The following HPGD variants were observed in gnomAD, a reference collection of about 807,000 sequenced individuals.
HPGD encodes the protein 15-hydroxyprostaglandin dehydrogenase [NAD(+)].
A neutral mutation model predicts 30.0 loss-of-function variants in HPGD; 29 were observed. The observed-to-expected ratio is 0.97, with a 90% CI of 0.72 to 1.32. The LOEUF is 1.32. Among genes scored for constraint, HPGD ranks in the 40% most tolerant of loss-of-function variants. The pLI is 0.00. For missense variants in HPGD, 340 were observed against 322.1 expected (o/e 1.06, Z -0.43); for synonymous variants, 99 against 112.4 (o/e 0.88, Z 0.75).
At chr4:174,508,252 G>T in intron 4 of HPGD, 1 of 636,314 alleles carries the variant, frequency 1.6e-6, no homozygotes, top group Admixed American at 2.3e-5. Flanking sequence ...ATGTAAGTTT[G>T]GCTTTATTTA....
chr4:174,496,097 A>G lies in HPGD; in HGVS notation c.422-473T>C, dbSNP rs1484850991. Among the ~76,000 whole-genome samples, 4 of 152,240 alleles carry G rather than the reference A, an allele frequency of 2.6e-5. No individual in the cohort carries two copies. The highest frequency in any genetic ancestry group is 5.9e-5 in the Non-Finnish European group (4 of 68,036). On this transcript the variant is annotated intron_variant, in intron 4 of 6. Transcript: ENST00000296522. The surrounding 1 kb of genome is among the most constrained non-coding windows in gnomAD (Gnocchi z 4.6). ...TTATTAGTCTTCACTACAAATTAGT[A>G]TGCAATTTCCTGTCACCAATCTGTC...
intron 3 of HPGD, 148 bp from the exon 4 acceptor site, chr4:174,508,940 A>G (rs961077625): frequency 6.0e-6 from 4 of 662,552 alleles, no homozygotes; most frequent in Admixed American, 4.5e-5. Flanking sequence ...CTTTGTTTTT[A>G]AAGTTAGTCA....
At chr4:174,510,855 G>A (rs930406779) in intron 3 of HPGD, among the ~76,000 whole-genome samples, 1 of 152,156 alleles carries the variant, frequency 6.6e-6, no homozygotes, top group Non-Finnish European at 1.5e-5. Context: ...TGGCCAGGCT[G>A]GTCTCGAACT....
rs1734629622 is a variant in HPGD, at chr4:174,496,995, C to T, written c.422-1371G>A. Among the ~76,000 whole-genome samples, 5 of 152,254 alleles carry T rather than the reference C, an allele frequency of 3.3e-5. No individual in the cohort carries two copies. In the South Asian group the frequency reaches 1.0e-3, roughly 32 times the overall value. On this transcript the variant is annotated intron_variant, in intron 4 of 6. Transcript: ENST00000296522. The surrounding 1 kb of genome is among the most constrained non-coding windows in gnomAD (Gnocchi z 4.6). ...AATTAAGTTTGTCAGTGTCAGTCAA[C>T]AAGAATTTATGATGTTTCCACAGGC... is the stretch of plus-strand genomic sequence containing the variant.
intron 3 of HPGD, among the ~76,000 whole-genome samples, chr4:174,511,899 G>A (rs1735523565): frequency 6.6e-6 from 1 of 152,174 alleles, no homozygotes; most frequent in African/African-American, 2.4e-5. Context: ...GCCCGCCTCG[G>A]TCTCCCAAAG....
At position 174,492,816 on chromosome 4, in the gene HPGD, A is replaced by G. The variant is rs1212673475; in HGVS notation, c.662+335T>C. ...CTTATAAAAGTGGTTGAAGTCATGG[A>G]AACTTGCAATATTTCACAGACTATA... On this transcript the variant is annotated intron_variant, in intron 6 of 6. Transcript: ENST00000296522. This position sits in a 1 kb window ranked among gnomAD's most constrained non-coding sequence, Gnocchi z 4.9. Among the ~76,000 whole-genome samples, 2 of 152,100 alleles carry G rather than the reference A, an allele frequency of 1.3e-5. No homozygotes were observed. Among genetic ancestry groups the G allele is most frequent in the Admixed American group, 6.5e-5 (1 of 15,270 alleles).
intron 4 of HPGD, among the ~76,000 whole-genome samples, chr4:174,503,951 T>C (rs1390650592): frequency 6.6e-6 from 1 of 152,168 alleles, no homozygotes; most frequent in Non-Finnish European, 1.5e-5. Flanking sequence ...CTCTAACTCC[T>C]GGCCTCAAGT....
In HPGD at chr4:174,508,813, A is replaced by G. The variant is rs373275201; in HGVS notation, c.325-21T>C. On this transcript the variant is annotated intron_variant, in intron 3 of 6. Transcript: ENST00000296522. The stretch of plus-strand genomic sequence containing the variant: ...GAAACCTAATCCAGAGGCATAAGTG[A>G]GAAAAGGAATACAGTCATTATCCTT... The G allele has an allele frequency of 3.9e-6, 5 of 1,269,308 alleles. No homozygotes were observed. The African/African-American group carries it at 7.3e-5, about 19-fold the overall frequency. The allele number at this position is 1,269,308 out of a possible 1,614,324, so 78.6% of individuals were successfully genotyped here.
In HPGD at chr4:174,491,566, TGTGA is replaced by T; in HGVS notation, c.*386_*389del. 1 of 187,074 alleles carries T rather than the reference TGTGA, an allele frequency of 5.3e-6. No individual in the cohort carries two copies. The highest frequency in any genetic ancestry group is 5.6e-5 in the Admixed American group (1 of 17,970). The allele number at this position is 187,074 out of a possible 1,614,324, so 11.6% of individuals were successfully genotyped here. ...TCCTCTTTTAAAGTATGAACTTGTA[TGTGA>T]GTGTTTTACATCTGGTTTGATTTAA... On this transcript the variant is annotated 3_prime_UTR_variant, in exon 7 of 7. Coordinates refer to ENST00000296522, the MANE Select transcript of HPGD (RefSeq NM_000860.6).
At chr4:174,503,548 G>C (rs184146709) in intron 4 of HPGD, among the ~76,000 whole-genome samples, 1 of 152,146 alleles carries the variant, frequency 6.6e-6, no homozygotes, top group African/African-American at 2.4e-5. Context: ...TCCTTATCAC[G>C]AGAGCAGTAG....
chr4:174,492,227 T>G lies in HPGD; in HGVS notation c.663-133A>C, dbSNP rs1734376419. On this transcript the variant is annotated intron_variant, in intron 6 of 6. Coordinates refer to ENST00000296522, the MANE Select transcript of HPGD (RefSeq NM_000860.6). The surrounding 1 kb of genome is among the most constrained non-coding windows in gnomAD (Gnocchi z 4.9). Reference sequence around the variant, plus strand: ...ATGTGTGTCATTAAACTATTGCTACTTCCAATTTTTATTTAATTCCATATT... The same window carrying G: ...ATGTGTGTCATTAAACTATTGCTACGTCCAATTTTTATTTAATTCCATATT... The G allele has an allele frequency of 1.3e-6, 1 of 754,222 alleles. No homozygotes were observed. The highest frequency in any genetic ancestry group is 2.2e-6 in the Non-Finnish European group (1 of 445,606). The allele number at this position is 754,222 out of a possible 1,614,324, so 46.7% of individuals were successfully genotyped here. A position where few individuals can be genotyped will look rare whatever the true frequency, so the allele number is the denominator to read the frequency against.
In HPGD at chr4:174,492,425, A is replaced by G. The variant is rs1734385331; in HGVS notation, c.663-331T>C. Among the ~76,000 whole-genome samples the G allele has an allele frequency of 6.6e-6, 1 of 152,036 alleles. No individual in the cohort carries two copies. The highest frequency in any genetic ancestry group is 2.4e-5 in the African/African-American group (1 of 41,442). On this transcript the variant is annotated intron_variant, in intron 6 of 6. Transcript: ENST00000296522. This position sits in a 1 kb window ranked among gnomAD's most constrained non-coding sequence, Gnocchi z 4.9. ...ATGATCATTTTCTCATCTTTATCGT[A>G]TCAGTAGATCTTAGACTTACCAGAT...
rs1017016289 is a variant in HPGD at position 174,493,022 on chromosome 4, T to C, written c.662+129A>G. The stretch of plus-strand genomic sequence containing the variant: ...AAAATATATTTTCTCCCAGAGAGTT[T>C]GCCAAACCAAAAGTTTGAAGCTTGT... On this transcript the variant is annotated intron_variant, in intron 6 of 6. Coordinates refer to ENST00000296522, the MANE Select transcript of HPGD (RefSeq NM_000860.6). 122 of 812,464 alleles carry C rather than the reference T, an allele frequency of 1.5e-4. 1 individual carries two copies. Among genetic ancestry groups the C allele is most frequent in the Non-Finnish European group, 2.2e-4 (117 of 536,736 alleles). 50.3% of individuals were successfully genotyped at this position (812,464 alleles called of 1,614,324 possible).
intron 3 of HPGD, among the ~76,000 whole-genome samples, 158 bp from the exon 4 acceptor site, chr4:174,508,950 A>G (rs1347562049): frequency 6.6e-6 from 1 of 152,232 alleles, no homozygotes; most frequent in African/African-American, 2.4e-5. Context: ...AAAGTTAGTC[A>G]TTAAACCTGG....
chr4:174,505,359 AG>A (rs1245316087), intron 4 of HPGD, among the ~76,000 whole-genome samples: 1 of 150,092 alleles, frequency 6.7e-6, no homozygotes, highest in African/African-American at 2.5e-5. Flanking sequence ...AGAGAAAAAC[AG>A]GAAAAAAAAA....
intron 6 of HPGD, 105 bp downstream of exon 6, chr4:174,493,046 G>C (rs958993220): frequency 4.7e-6 from 5 of 1,061,556 alleles, no homozygotes; most frequent in Non-Finnish European, 6.6e-6. Flanking sequence ...TTTGAAGCTT[G>C]TGTTCATTTC....
intron 3 of HPGD, among the ~76,000 whole-genome samples, chr4:174,511,925 C>T (rs1340158421): frequency 2.0e-5 from 3 of 152,164 alleles, no homozygotes; most frequent in African/African-American, 7.2e-5. Flanking sequence ...GGATTACAGG[C>T]GTGAGTCACC....
rs1193677251 is a variant in HPGD, at chr4:174,491,783, C to T, written c.*173G>A. On this transcript the variant is annotated 3_prime_UTR_variant, in exon 7 of 7. Coordinates refer to ENST00000296522, the MANE Select transcript of HPGD (RefSeq NM_000860.6). ...GGTCCACATCACATTTTTAATAGTT[C>T]ATAACTTTTTATCCATATACTTAAC... is the stretch of plus-strand genomic sequence containing the variant. The T allele has an allele frequency of 1.3e-5, 8 of 605,742 alleles. No homozygotes were observed. In the South Asian group the frequency reaches 1.6e-4, roughly 12 times the overall value. The allele number at this position is 605,742 out of a possible 1,614,324, so 37.5% of individuals were successfully genotyped here. A position where few individuals can be genotyped will look rare whatever the true frequency, so the allele number is the denominator to read the frequency against.
chr4:174,510,542 C>A (rs1007365081), intron 3 of HPGD, among the ~76,000 whole-genome samples: 2 of 152,056 alleles, frequency 1.3e-5, no homozygotes, highest in Non-Finnish European at 2.9e-5. Context: ...CAAGATGAAG[C>A]CAGATAGAAA....
Sources: allele counts gnomAD v4.1 joint callset (sites outside exome capture counted in the v4.1 genomes callset), GRCh38; gene constraint gnomAD v4.1.1; non-coding constraint Gnocchi (gnomAD v3.1); transcripts MANE v1.5; gene names NCBI Gene and HGNC (gene_info 2026-07-23, HGNC 2026-07-21).